The following WWP2 variants were observed in gnomAD, a reference collection of about 807,000 sequenced individuals.
WWP2 encodes the protein NEDD4-like E3 ubiquitin-protein ligase WWP2.
A neutral mutation model predicts 121.0 loss-of-function variants in WWP2; 57 were observed. The ratio of observed to expected loss-of-function variants is 0.47; its 90% CI spans 0.38 to 0.59. The LOEUF is 0.59. Ranked by LOEUF, WWP2 falls within the 20% of genes least tolerant of loss-of-function variation. WWP2 has a pLI of 0.00. For synonymous variants in WWP2, 449 were observed against 441.3 expected (o/e 1.02, Z -0.22); for missense variants, 962 against 1,158.9 (o/e 0.83, Z 2.47).
intron 6 of WWP2, among the ~76,000 whole-genome samples, chr16:69,842,889 G>T (rs967476982): frequency 4.6e-5 from 7 of 152,002 alleles, no homozygotes; most frequent in African/African-American, 1.7e-4. Context: ...GGCTGGTCTC[G>T]AACTCCTGGA....
At chr16:69,794,492 G>T (rs943345009) in intron 2 of WWP2, among the ~76,000 whole-genome samples, 57 of 152,042 alleles carry the variant, frequency 3.7e-4, no homozygotes, top group African/African-American at 1.3e-3. Flanking sequence ...TTGCACCACT[G>T]CACTCCAGCC....
intron 9 of WWP2, among the ~76,000 whole-genome samples, chr16:69,913,366 G>A (rs1474176241): frequency 6.6e-6 from 1 of 152,108 alleles, no homozygotes; most frequent in East Asian, 1.9e-4. Context: ...GCTGAGTGTG[G>A]TGGTGTATGC....
intron 1 of WWP2, among the ~76,000 whole-genome samples, chr16:69,780,302 A>C (rs1419792035): frequency 6.6e-6 from 1 of 151,398 alleles, no homozygotes; most frequent in Admixed American, 6.6e-5. Context: ...GGATTTGTAC[A>C]TGTGGATTAA....
At chr16:69,875,790 C>G (rs927537741) in intron 7 of WWP2, among the ~76,000 whole-genome samples, 1 of 152,178 alleles carries the variant, frequency 6.6e-6, no homozygotes, top group African/African-American at 2.4e-5. Context: ...ACCACACCTG[C>G]ATTTCCTTCC....
At chr16:69,852,702 A>AT (rs1281127119) in intron 6 of WWP2, among the ~76,000 whole-genome samples, 1 of 151,980 alleles carries the variant, frequency 6.6e-6, no homozygotes, top group Non-Finnish European at 1.5e-5. Flanking sequence ...AGTTTTAAGC[A>AT]TTTTTTGTAT....
intron 4 of WWP2, among the ~76,000 whole-genome samples, chr16:69,802,506 A>G (rs908452826): frequency 6.6e-6 from 1 of 152,058 alleles, no homozygotes; most frequent in Non-Finnish European, 1.5e-5. Context: ...GGAACCATAC[A>G]GTATTTGTCC....
Position 69,820,674 on chromosome 16 carries a change from A to T in WWP2, c.341-19452A>T, listed in dbSNP as rs2056575900. 1.6e-5 allele frequency among the ~76,000 whole-genome samples: 2 copies of T among 122,004 alleles called. 1 individual carries two copies. Among genetic ancestry groups the T allele is most frequent in the Non-Finnish European group, 3.8e-5 (2 of 52,612 alleles). 80.0% of individuals were successfully genotyped at this position (122,004 alleles called of 152,430 possible). A position where few individuals can be genotyped will look rare whatever the true frequency, so the allele number is the denominator to read the frequency against. On this transcript the variant is annotated intron_variant, in intron 4 of 23. Transcript: ENST00000359154. ...CTCTTCTCTGCTTTATTTTCTTGTA[A>T]GCGGTTCTCCCCATATACTACTGTT...
chr16:69,794,958 T>C (rs1357468085), intron 2 of WWP2, among the ~76,000 whole-genome samples: 1 of 152,214 alleles, frequency 6.6e-6, no homozygotes, highest in Non-Finnish European at 1.5e-5. Flanking sequence ...CTCATGTTTG[T>C]AATCCCAGCA....
intron 1 of WWP2, among the ~76,000 whole-genome samples, chr16:69,778,990 C>T (rs2055603445): frequency 6.7e-6 from 1 of 149,752 alleles, no homozygotes; most frequent in Non-Finnish European, 1.5e-5. Context: ...CGCTCTGTTG[C>T]CCAGGCTGGA....
chr16:69,898,399 T>A (rs978340953), intron 8 of WWP2, among the ~76,000 whole-genome samples: 1 of 152,192 alleles, frequency 6.6e-6, no homozygotes, highest in Admixed American at 6.5e-5. Context: ...TCAACTTCAG[T>A]AGGTATTATC....
chr16:69,843,254 G>A (rs570528150), intron 6 of WWP2, among the ~76,000 whole-genome samples: 11 of 152,030 alleles, frequency 7.2e-5, no homozygotes, highest in South Asian at 4.2e-4. Flanking sequence ...GACCTCCTAC[G>A]CTTAGAGTCC....
chr16:69,852,741 T>C (rs1174684867), intron 6 of WWP2, among the ~76,000 whole-genome samples: 2 of 152,226 alleles, frequency 1.3e-5, no homozygotes, highest in East Asian at 1.9e-4. Flanking sequence ...TTATCAGATA[T>C]ATGTTTTGCC....
intron 4 of WWP2, among the ~76,000 whole-genome samples, chr16:69,816,859 G>A (rs1158078047): frequency 6.6e-6 from 1 of 152,162 alleles, no homozygotes; most frequent in Non-Finnish European, 1.5e-5. Flanking sequence ...TACATTCAAG[G>A]TAGATTGTGG....
At chr16:69,857,211 C>A (rs2057332851) in intron 6 of WWP2, among the ~76,000 whole-genome samples, 1 of 152,008 alleles carries the variant, frequency 6.6e-6, no homozygotes, top group Non-Finnish European at 1.5e-5. Flanking sequence ...TCAAGCGATT[C>A]TCCTGCCTCA....
At chr16:69,906,375 C>T (rs866701198) in intron 8 of WWP2, among the ~76,000 whole-genome samples, 23 of 152,202 alleles carry the variant, frequency 1.5e-4, no homozygotes, top group Middle Eastern at 3.4e-3. Flanking sequence ...CCCGGCCTTA[C>T]GTATCTGTTT....
intron 4 of WWP2, among the ~76,000 whole-genome samples, chr16:69,802,275 A>G (rs2056185524): frequency 6.6e-6 from 1 of 152,172 alleles, no homozygotes; most frequent in African/African-American, 2.4e-5. Flanking sequence ...AAAATTAATC[A>G]CGTTAATAAT....
chr16:69,838,624 A>C, intron 4 of WWP2: 1 of 529,282 alleles, frequency 1.9e-6, no homozygotes, highest in Non-Finnish European at 2.4e-6. Context: ...GCTGCTTCCC[A>C]AGTGGCCACT....
chr16:69,806,244 T>C (rs1168497549), intron 4 of WWP2, among the ~76,000 whole-genome samples: 3 of 152,216 alleles, frequency 2.0e-5, no homozygotes, highest in African/African-American at 4.8e-5. Flanking sequence ...TTCCTAATAG[T>C]AATTATCTTA....
chr16:69,820,359 C>T (rs1192953644), intron 4 of WWP2, among the ~76,000 whole-genome samples: 2 of 152,052 alleles, frequency 1.3e-5, no homozygotes, highest in Non-Finnish European at 2.9e-5. Context: ...CTCCTGCCTC[C>T]GCCTCCTGAG....
Sources: allele counts gnomAD v4.1 joint callset (sites outside exome capture counted in the v4.1 genomes callset), GRCh38; gene constraint gnomAD v4.1.1; transcripts MANE v1.5; gene names NCBI Gene and HGNC (gene_info 2026-07-23, HGNC 2026-07-21).